Variants in N4BP2L2 observed in about 807,000 individuals in gnomAD.
The protein encoded by N4BP2L2 is NEDD4-binding protein 2-like 2.
In N4BP2L2, 50 loss-of-function variants were observed where a neutral mutation model predicts 56.2. The observed-to-expected ratio is 0.89, with a 90% confidence interval of 0.71 to 1.13. The LOEUF (loss-of-function observed/expected upper bound fraction) is 1.13, where lower values mean the gene tolerates loss of function less well. Ranked by LOEUF, N4BP2L2 falls within the 50% of genes most tolerant of loss-of-function variation. N4BP2L2 has a pLI of 0.00. For synonymous variants in N4BP2L2, 203 were observed against 223.6 expected (o/e 0.91, Z 0.82); for missense variants, 689 against 693.8 (o/e 0.99, Z 0.08).
intron 8 of N4BP2L2, among the ~76,000 whole-genome samples, chr13:32,436,754 C>T (rs2075526425): frequency 8.5e-6 from 1 of 117,814 alleles, no homozygotes; most frequent in South Asian, 2.9e-4. Context: ...CACGCCACTG[C>T]ACTCCAGCCT....
At chr13:32,471,439 C>T (rs1332636946) in intron 6 of N4BP2L2, among the ~76,000 whole-genome samples, 1 of 152,212 alleles carries the variant, frequency 6.6e-6, no homozygotes. Flanking sequence ...ATACTGGGCT[C>T]GGAGCCAGTA....
chr13:32,450,870 TTCTCTCTC>T (rs534768522), intron 6 of N4BP2L2, among the ~76,000 whole-genome samples: 30 of 59,964 alleles, frequency 5.0e-4, no homozygotes, highest in African/African-American at 1.7e-3. Flanking sequence ...CCCCATCCCC[TTCTCTCTC>T]TCTCTCTCTC....
intron 6 of N4BP2L2, among the ~76,000 whole-genome samples, chr13:32,465,374 A>G (rs1480109075): frequency 6.6e-6 from 1 of 152,214 alleles, no homozygotes; most frequent in Non-Finnish European, 1.5e-5. Context: ...TTACCACCCT[A>G]AAACTCAGCA....
intron 2 of N4BP2L2, among the ~76,000 whole-genome samples, chr13:32,528,294 T>C (rs897559672): frequency 6.6e-6 from 1 of 152,188 alleles, no homozygotes; most frequent in Non-Finnish European, 1.5e-5. Context: ...CTCATTTCCA[T>C]GAAGCATATA....
chr13:32,516,969 T>C, exon 6 of N4BP2L2: 3 of 977,704 alleles, frequency 3.1e-6, no homozygotes, highest in Non-Finnish European at 3.6e-6. Context: ...TATAATTTGC[T>C]CTACAGAAAA....
At chr13:32,514,486 A>T (rs1302592488) in exon 6 of N4BP2L2, 1 of 152,128 alleles carries the variant, frequency 6.6e-6, no homozygotes, top group Non-Finnish European at 1.5e-5. Context: ...TGTGATGGAG[A>T]TGGTTAGAAT....
chr13:32,494,665 C>G (rs1384922414), intron 6 of N4BP2L2, among the ~76,000 whole-genome samples: 3 of 152,060 alleles, frequency 2.0e-5, no homozygotes, highest in African/African-American at 7.2e-5. Flanking sequence ...ACTCGGGAAG[C>G]TGAGGCAGGA....
intron 6 of N4BP2L2, among the ~76,000 whole-genome samples, chr13:32,471,626 A>G (rs937627210): frequency 3.3e-5 from 5 of 152,248 alleles, no homozygotes; most frequent in Non-Finnish European, 7.3e-5. Context: ...CCTGTAAGGG[A>G]AAGCCTGCCT....
chr13:32,483,979 C>T (rs2085312627), intron 6 of N4BP2L2, among the ~76,000 whole-genome samples: 1 of 129,938 alleles, frequency 7.7e-6, no homozygotes, highest in African/African-American at 3.1e-5. Context: ...AGCGAAACTC[C>T]ATCTAAAAAA....
chr13:32,472,405 C>T (rs2082478436), intron 6 of N4BP2L2, among the ~76,000 whole-genome samples: 1 of 152,182 alleles, frequency 6.6e-6, no homozygotes, highest in African/African-American at 2.4e-5. Flanking sequence ...TTCCTTTTTG[C>T]TGTGCTGGTT....
At chr13:32,493,218 C>T (rs2087627226) in intron 6 of N4BP2L2, among the ~76,000 whole-genome samples, 2 of 152,068 alleles carry the variant, frequency 1.3e-5, no homozygotes, top group Admixed American at 6.6e-5. Context: ...AGCCACCGTG[C>T]CCAGTCTCTT....
At chr13:32,495,819 G>A (rs1421761338) in intron 6 of N4BP2L2, among the ~76,000 whole-genome samples, 1 of 152,146 alleles carries the variant, frequency 6.6e-6, no homozygotes, top group East Asian at 1.9e-4. Context: ...GAGTAGCTGG[G>A]ATTACAGGTG....
chr13:32,522,076 C>G (rs968796559), intron 4 of N4BP2L2, 106 bp downstream of exon 4: 8 of 731,306 alleles, frequency 1.1e-5, no homozygotes, highest in African/African-American at 7.4e-5. Context: ...CTTTAGAAAA[C>G]AAAGGACAAA....
chr13:32,433,749 AC>A (rs2075104415), intron 9 of N4BP2L2, among the ~76,000 whole-genome samples: 1 of 150,384 alleles, frequency 6.6e-6, no homozygotes, highest in African/African-American at 2.5e-5. Context: ...ACATGGTGAA[AC>A]CCCGTCTCTA....
chr13:32,530,080 G>C (rs1488085208), intron 2 of N4BP2L2, among the ~76,000 whole-genome samples: 1 of 151,908 alleles, frequency 6.6e-6, no homozygotes, highest in Admixed American at 6.6e-5. Flanking sequence ...CATATTTTTT[G>C]TATCTAAAAA....
chr13:32,525,748 T>C (rs1157557724), intron 3 of N4BP2L2, among the ~76,000 whole-genome samples: 3 of 152,210 alleles, frequency 2.0e-5, no homozygotes, highest in Non-Finnish European at 4.4e-5. Flanking sequence ...ATTTTTCTTG[T>C]ATATATTATA....
exon 6 of N4BP2L2, chr13:32,515,543 TA>T (rs1424339205): frequency 6.6e-6 from 1 of 152,186 alleles, no homozygotes; most frequent in Non-Finnish European, 1.5e-5. Context: ...CATTATAATG[TA>T]AAAAATTAAT....
intron 2 of N4BP2L2, among the ~76,000 whole-genome samples, chr13:32,533,523 T>C (rs1391770180): frequency 6.8e-6 from 1 of 147,976 alleles, no homozygotes; most frequent in African/African-American, 2.5e-5. Context: ...TAATTTTTTT[T>C]TTTTTTTTTT....
Position 32,518,083 on chromosome 13 carries a change from C to A in N4BP2L2, c.1551-80G>T, listed in dbSNP as rs1310021096. ...GATTAACTGTTTTAGAGAAAAAGCA[C>A]ACAAATTCTAAATAATATTTTGTAA... is the stretch of plus-strand genomic sequence containing the variant. On this transcript the variant is annotated intron_variant, in intron 5 of 5. Transcript: ENST00000267068. 2.4e-5 allele frequency: 30 copies of A among 1,256,442 alleles called. 1 individual carries two copies. In the South Asian group the frequency reaches 4.5e-4, roughly 19 times the overall value. The allele number at this position is 1,256,442 out of a possible 1,614,324, so 77.8% of individuals were successfully genotyped here.
Sources: gnomAD v4.1 joint callset for allele counts (sites outside exome capture counted in the v4.1 genomes callset) on GRCh38, gnomAD v4.1.1 for gene constraint, MANE v1.5 for transcripts, NCBI Gene and HGNC (gene_info 2026-07-23, HGNC 2026-07-21) for gene names.